Variants in IFI27L1 observed in about 807,000 individuals in gnomAD.
IFI27L1 encodes interferon alpha inducible protein 27 like 1.
A neutral mutation model predicts 9.2 loss-of-function variants in IFI27L1; 3 were observed. That is an observed-to-expected ratio of 0.32 (90% CI 0.15 to 0.84). The LOEUF is 0.84. Among genes scored for constraint, IFI27L1 ranks in the 40% least tolerant of loss-of-function variants. The probability of loss-of-function intolerance (pLI) is 0.56; values close to 1 mark genes in which losing one functional copy is unlikely to be tolerated. For missense variants in IFI27L1, 133 were observed against 134.2 expected (o/e 0.99, Z 0.05); for synonymous variants, 53 against 50.0 (o/e 1.06, Z -0.26).
intron 2 of IFI27L1, among the ~76,000 whole-genome samples, chr14:94,099,847 CAG>C (rs368514286): frequency 0.61 from 93,143 of 151,634 alleles, 29,924 homozygotes; most frequent in East Asian, 0.95. Flanking sequence ...AGGTCTAGGA[CAG>C]AATGCTAATA....
rs1226860485 is a variant in IFI27L1, at chr14:94,100,789, G to A, written c.61+18G>A. On this transcript the variant is annotated intron_variant, in intron 3 of 4. Coordinates refer to ENST00000555523, the MANE Select transcript of IFI27L1 (RefSeq NM_206949.3). ...CGGAGGAGGTGAGTCTCTATGGGAA[G>A]GAACTCAAGCCCCCATCCCCCGCCT... The A allele has an allele frequency of 1.2e-6, 2 of 1,613,334 alleles. No homozygotes were observed. The highest frequency in any genetic ancestry group is 1.7e-6 in the Non-Finnish European group (2 of 1,179,838).
chr14:94,091,006 A>T (rs1212994691), intron 1 of IFI27L1, among the ~76,000 whole-genome samples: 6 of 152,242 alleles, frequency 3.9e-5, no homozygotes, highest in Non-Finnish European at 5.9e-5. Flanking sequence ...TCTGTAAAAG[A>T]TCAGGAAAAA....
At chr14:94,095,543 C>T (rs1440050307) in intron 1 of IFI27L1, among the ~76,000 whole-genome samples, 1 of 152,148 alleles carries the variant, frequency 6.6e-6, no homozygotes, top group Non-Finnish European at 1.5e-5. Context: ...GTTATACAAG[C>T]ATGGCACCAA....
At chr14:94,098,958 G>A (rs1326003570) in intron 2 of IFI27L1, among the ~76,000 whole-genome samples, 1 of 152,238 alleles carries the variant, frequency 6.6e-6, no homozygotes, top group East Asian at 1.9e-4. Flanking sequence ...TAACCACGGT[G>A]CCATTCTGCC....
At chr14:94,087,725 C>T (rs1342369316) in intron 1 of IFI27L1, among the ~76,000 whole-genome samples, 2 of 151,980 alleles carry the variant, frequency 1.3e-5, no homozygotes, top group African/African-American at 2.4e-5. Context: ...CGTGCCCAGC[C>T]GATTGTCGTT....
chr14:94,097,965 G>A (rs1007141789), intron 2 of IFI27L1, among the ~76,000 whole-genome samples: 1 of 152,176 alleles, frequency 6.6e-6, no homozygotes, highest in African/African-American at 2.4e-5. Context: ...TGGGTGAAGT[G>A]CCCCCAGGTG....
In IFI27L1 at chr14:94,087,733, G is replaced by GT. The variant is rs892300076; in HGVS notation, c.-52+6295dup. Among the ~76,000 whole-genome samples, 857 of 147,154 alleles carry GT rather than the reference G, an allele frequency of 5.8e-3. 2 individuals are homozygous for GT. The highest frequency in any genetic ancestry group is 0.01 in the Middle Eastern group (3 of 286). On this transcript the variant is annotated intron_variant, in intron 1 of 4. Transcript: ENST00000555523. The stretch of plus-strand genomic sequence containing the variant: ...GAGCCACCGTGCCCAGCCGATTGTC[G>GT]TTTTTTTTTTTAACACAAGCAACTC...
intron 1 of IFI27L1, among the ~76,000 whole-genome samples, chr14:94,094,482 A>T (rs1886598579): frequency 6.6e-6 from 1 of 152,070 alleles, no homozygotes; most frequent in South Asian, 2.1e-4. Flanking sequence ...AGTCCTGTTT[A>T]GTTTTGGAAC....
chr14:94,091,118 A>C (rs895746158), intron 1 of IFI27L1, among the ~76,000 whole-genome samples: 2 of 152,220 alleles, frequency 1.3e-5, no homozygotes, highest in African/African-American at 4.8e-5. Flanking sequence ...AAAGTCCTGA[A>C]AGATTTTTTC....
At position 94,102,604 on chromosome 14, in the gene IFI27L1, G is replaced by A. The variant is rs1163417348; in HGVS notation, c.*36G>A. On this transcript the variant is annotated 3_prime_UTR_variant, in exon 5 of 5. Transcript: ENST00000555523. ...GAGGCAGGGAGTTGGCTCTCTTGGT[G>A]GAGATGACTTTCCTGGGCCTCTGGA... 3 of 1,267,894 alleles carry A rather than the reference G, an allele frequency of 2.4e-6. No homozygotes were observed. The highest frequency in any genetic ancestry group is 2.5e-5 in the Admixed American group (1 of 40,544). 78.5% of individuals were successfully genotyped at this position (1,267,894 alleles called of 1,614,324 possible).
chr14:94,090,753 T>A (rs2139266091), intron 1 of IFI27L1, among the ~76,000 whole-genome samples: 1 of 152,334 alleles, frequency 6.6e-6, no homozygotes, highest in South Asian at 2.1e-4. Flanking sequence ...GGAAAGCACA[T>A]CATTACAGTC....
At chr14:94,097,320 T>G (rs1488796709) in intron 2 of IFI27L1, among the ~76,000 whole-genome samples, 1 of 152,216 alleles carries the variant, frequency 6.6e-6, no homozygotes, top group Non-Finnish European at 1.5e-5. Context: ...TTCAGAAGTA[T>G]TCTTTATGGA....
At chr14:94,101,094 A>C in intron 3 of IFI27L1, 3 of 544,730 alleles carry the variant, frequency 5.5e-6, no homozygotes. Context: ...ATCCTTGGGG[A>C]CTTTTGAAGG....
At chr14:94,083,298 G>A (rs1418649055) in intron 1 of IFI27L1, among the ~76,000 whole-genome samples, 1 of 152,244 alleles carries the variant, frequency 6.6e-6, no homozygotes, top group East Asian at 1.9e-4. Flanking sequence ...ACCAAAGAAA[G>A]TGGTTTCTTG....
intron 3 of IFI27L1, 40 bp downstream of exon 3, chr14:94,100,811 G>A (rs576021963): frequency 1.9e-5 from 31 of 1,606,348 alleles, no homozygotes; most frequent in African/African-American, 1.1e-4. Flanking sequence ...CCCATCCCCC[G>A]CCTCCCCCCA....
intron 1 of IFI27L1, among the ~76,000 whole-genome samples, chr14:94,095,191 C>T (rs1027383614): frequency 1.3e-5 from 2 of 152,104 alleles, no homozygotes; most frequent in Non-Finnish European, 2.9e-5. Flanking sequence ...TACATGACAG[C>T]ACTTGGCTAA....
intron 1 of IFI27L1, chr14:94,094,837 A>G (rs1886608697): frequency 6.6e-6 from 1 of 152,020 alleles, no homozygotes; most frequent in African/African-American, 2.4e-5. Context: ...CCATGAAAGG[A>G]CGATATTGAG....
chr14:94,101,643 C>T (rs1356573615), intron 3 of IFI27L1, among the ~76,000 whole-genome samples, 171 bp from the exon 4 acceptor site: 2 of 152,228 alleles, frequency 1.3e-5, no homozygotes, highest in South Asian at 2.1e-4. Flanking sequence ...TCCTGGGAGC[C>T]GGTCCACTGG....
At chr14:94,097,064 A>C in intron 2 of IFI27L1, 99 bp downstream of exon 2, 1 of 889,844 alleles carries the variant, frequency 1.1e-6, no homozygotes, top group Non-Finnish European at 1.7e-6. Context: ...ACCCCAAATA[A>C]CAGAGAGGGA....
Sources: gnomAD v4.1 joint callset for allele counts (sites outside exome capture counted in the v4.1 genomes callset) on GRCh38, gnomAD v4.1.1 for gene constraint, MANE v1.5 for transcripts, NCBI Gene and HGNC (gene_info 2026-07-23, HGNC 2026-07-21) for gene names.